The following STK32B variants were observed in gnomAD, a reference collection of about 807,000 sequenced individuals.
STK32B encodes the protein serine/threonine-protein kinase 32B.
STK32B carries 43 observed loss-of-function variants against 52.6 expected under a neutral mutation model. The ratio of observed to expected loss-of-function variants is 0.82; its 90% CI spans 0.64 to 1.05. STK32B has a LOEUF of 1.05. STK32B is among the 50% of genes least tolerant of loss of function. The pLI, the probability that STK32B is intolerant of heterozygous loss-of-function variation, is 0.00. For synonymous variants in STK32B, 238 were observed against 204.3 expected (o/e 1.17, Z -1.41); for missense variants, 621 against 534.6 (o/e 1.16, Z -1.59).
intron 2 of STK32B, among the ~76,000 whole-genome samples, chr4:5,158,305 G>A (rs1718027994): frequency 1.3e-5 from 2 of 152,094 alleles, no homozygotes; most frequent in South Asian, 2.1e-4. Flanking sequence ...GGCACAGCGC[G>A]GGTCCTGGGG....
At chr4:5,266,689 G>T (rs552305643) in intron 3 of STK32B, among the ~76,000 whole-genome samples, 38 of 152,302 alleles carry the variant, frequency 2.5e-4, no homozygotes, top group African/African-American at 9.1e-4. Context: ...GCTTAAAGGA[G>T]CACTGAGTAT....
chr4:5,401,372 C>T (rs567955091), intron 5 of STK32B, among the ~76,000 whole-genome samples: 1 of 152,282 alleles, frequency 6.6e-6, no homozygotes, highest in East Asian at 1.9e-4. Flanking sequence ...TCTCAGAGAA[C>T]AAGTTGGTCA....
chr4:5,460,189 G>A lies in STK32B; in HGVS notation c.870G>A (p.Ala290=), dbSNP rs140694477. ...VPYLADMNWD[A]VFKKALMPGF... is the part of the protein sequence containing the mutation. The stretch of plus-strand genomic sequence containing the variant: ...ACTTGGCCGACATGAACTGGGACGC[G>A]GTGTTCAAGAAGGCACTGATGCCCG... The change falls in exon 9 of 12, where the codon GCG becomes GCA. Residue 290 remains alanine (A), a synonymous_variant. Coordinates refer to ENST00000282908, the MANE Select transcript of STK32B (RefSeq NM_018401.3). The surrounding 1 kb of genome is among the most constrained non-coding windows in gnomAD (Gnocchi z 4.8). The A allele has an allele frequency of 2.0e-4, 315 of 1,613,860 alleles. No individual in the cohort carries two copies. Among genetic ancestry groups the A allele is most frequent in the Non-Finnish European group, 2.4e-4 (287 of 1,179,996 alleles).
chr4:5,127,986 C>A (rs185055804), intron 1 of STK32B, among the ~76,000 whole-genome samples: 1 of 152,310 alleles, frequency 6.6e-6, no homozygotes, highest in African/African-American at 2.4e-5. Flanking sequence ...CACCTTCCAC[C>A]ATGATTGTGA....
chr4:5,332,052 C>T (rs572241156), intron 4 of STK32B, among the ~76,000 whole-genome samples: 3 of 152,218 alleles, frequency 2.0e-5, no homozygotes, highest in Non-Finnish European at 4.4e-5. Flanking sequence ...TTGGTTTACC[C>T]ATGGTCTTGC....
At chr4:5,180,844 C>T (rs1007232207) in intron 3 of STK32B, among the ~76,000 whole-genome samples, 7 of 152,130 alleles carry the variant, frequency 4.6e-5, no homozygotes, top group Non-Finnish European at 1.0e-4. Flanking sequence ...CTCTAAAGAA[C>T]GAATGATTTG....
intron 5 of STK32B, among the ~76,000 whole-genome samples, chr4:5,402,387 G>C (rs1005992616): frequency 2.6e-5 from 4 of 152,246 alleles, no homozygotes; most frequent in Admixed American, 2.0e-4. Context: ...AAGGAGAGAA[G>C]AGTGAGAGAC....
At chr4:5,325,915 G>C (rs115519061) in intron 3 of STK32B, among the ~76,000 whole-genome samples, 2 of 152,202 alleles carry the variant, frequency 1.3e-5, no homozygotes, top group East Asian at 3.8e-4. Context: ...ATAAATGAAA[G>C]GTCATTCTGT....
rs184059149 is a variant in STK32B, at chr4:5,278,121, G to A, written c.261-53099G>A. Reference sequence around the variant, plus strand: ...GCCCCAGGGGTGGCAGGTAGAAGATGACGTGGGAGGTTTTGACTTCTGGCA... The same window carrying A: ...GCCCCAGGGGTGGCAGGTAGAAGATAACGTGGGAGGTTTTGACTTCTGGCA... On this transcript the variant is annotated intron_variant, in intron 3 of 11. Coordinates refer to ENST00000282908, the MANE Select transcript of STK32B (RefSeq NM_018401.3). Among the ~76,000 whole-genome samples the A allele has an allele frequency of 2.0e-3, 301 of 152,332 alleles. 1 individual carries two copies. The highest frequency in any genetic ancestry group is 6.7e-3 in the African/African-American group (278 of 41,566).
chr4:5,121,232 T>C (rs1242798126), intron 1 of STK32B, among the ~76,000 whole-genome samples: 1 of 152,240 alleles, frequency 6.6e-6, no homozygotes. Flanking sequence ...TCCATCCAAG[T>C]TGCTGCAAAA....
chr4:5,236,354 TA>T (rs1487397908), intron 3 of STK32B, among the ~76,000 whole-genome samples: 6 of 152,146 alleles, frequency 3.9e-5, no homozygotes, highest in South Asian at 2.1e-4. Context: ...TAAACTTACT[TA>T]AAAAACTTAA....
intron 1 of STK32B, among the ~76,000 whole-genome samples, chr4:5,067,242 G>A (rs1413620713): frequency 1.3e-5 from 2 of 152,124 alleles, no homozygotes; most frequent in Non-Finnish European, 2.9e-5. Context: ...AAAGTATGGG[G>A]GAACCACCCT....
intron 6 of STK32B, chr4:5,426,968 C>G (rs1244451930): frequency 1.3e-5 from 2 of 152,172 alleles, no homozygotes; most frequent in East Asian, 1.9e-4. Flanking sequence ...ATAAACACCA[C>G]TATACTTAGA....
At chr4:5,038,148 G>A in the STK32B span, among the ~76,000 whole-genome samples, 1 of 152,176 alleles carries the variant, frequency 6.6e-6, no homozygotes, top group Non-Finnish European at 1.5e-5. Context: ...GCTGGTTCAT[G>A]AATCATCCCC....
intron 3 of STK32B, among the ~76,000 whole-genome samples, chr4:5,246,210 C>G (rs984602910): frequency 9.2e-5 from 14 of 152,168 alleles, no homozygotes; most frequent in African/African-American, 3.1e-4. Flanking sequence ...TCAGGTACAC[C>G]AATGAGACGT....
At chr4:5,064,046 A>G (rs1409072430) in intron 1 of STK32B, among the ~76,000 whole-genome samples, 1 of 151,842 alleles carries the variant, frequency 6.6e-6, no homozygotes, top group Non-Finnish European at 1.5e-5. Flanking sequence ...TCTACATGAC[A>G]TTTCTTTGTC....
intron 3 of STK32B, among the ~76,000 whole-genome samples, chr4:5,299,860 G>A (rs942067288): frequency 6.6e-6 from 1 of 152,164 alleles, no homozygotes; most frequent in Admixed American, 6.5e-5. Context: ...TCTACCAGAT[G>A]TATGAAGAAG....
chr4:5,353,420 G>T (rs554478847), intron 4 of STK32B, among the ~76,000 whole-genome samples: 11 of 152,058 alleles, frequency 7.2e-5, no homozygotes, highest in African/African-American at 2.7e-4. Flanking sequence ...AAACTAAAAA[G>T]CTTCTTCACA....
At chr4:5,021,609 A>C in the STK32B span, among the ~76,000 whole-genome samples, 5 of 152,210 alleles carry the variant, frequency 3.3e-5, no homozygotes, top group African/African-American at 1.2e-4. Flanking sequence ...CAAGTCCTGC[A>C]CCATTAGATC....
Sources: gnomAD v4.1 joint callset for allele counts (sites outside exome capture counted in the v4.1 genomes callset) on GRCh38, gnomAD v4.1.1 for gene constraint, Gnocchi (gnomAD v3.1) non-coding constraint, MANE v1.5 for transcripts, NCBI Gene and HGNC (gene_info 2026-07-23, HGNC 2026-07-21) for gene names.